RPS6KC1: variants seen among roughly 807,000 people sequenced by gnomAD.
RPS6KC1 encodes ribosomal protein S6 kinase C1.
RPS6KC1 carries 54 observed loss-of-function variants against 103.8 expected under a neutral mutation model. That is an observed-to-expected ratio of 0.52 (90% confidence interval 0.42 to 0.65). The LOEUF (loss-of-function observed/expected upper bound fraction) is 0.65, where lower values mean the gene tolerates loss of function less well. Among genes scored for constraint, RPS6KC1 ranks in the 30% least tolerant of loss-of-function variants. The pLI is 0.00. For synonymous variants in RPS6KC1, 439 were observed against 438.7 expected, an observed-to-expected ratio of 1.00 and a Z score of -0.01; for missense variants, 1,151 against 1,253.8, an observed-to-expected ratio of 0.92 and a Z score of 1.24.
chr1:213,353,749 T>G, the RPS6KC1 span, among the ~76,000 whole-genome samples: 1 of 152,204 alleles, frequency 6.6e-6, no homozygotes, highest in Non-Finnish European at 1.5e-5. Flanking sequence ...TCCATCTTGT[T>G]GGGAAGATAA....
Position 213,113,520 on chromosome 1 carries a change from T to G in RPS6KC1, c.379-3797T>G, listed in dbSNP as rs930237589. 1.2e-4 allele frequency among the ~76,000 whole-genome samples: 18 copies of G among 150,690 alleles called. 1 individual carries two copies. The highest frequency in any genetic ancestry group is 7.2e-4 in the Admixed American group (11 of 15,214). On this transcript the variant is annotated intron_variant, in intron 4 of 14. Transcript: ENST00000366960. ...CCCATGTTGTAGGTTGCCTGTTCAC[T>G]CTGATGGTAGTTTCTTTTGCTGTGC...
chr1:213,627,760 C>T, the RPS6KC1 span, among the ~76,000 whole-genome samples: 1 of 152,156 alleles, frequency 6.6e-6, no homozygotes, highest in African/African-American at 2.4e-5. Context: ...ACCTTGCATC[C>T]CAGGCATGAA....
At chr1:213,106,526 G>A (rs961331582) in intron 4 of RPS6KC1, among the ~76,000 whole-genome samples, 2 of 152,148 alleles carry the variant, frequency 1.3e-5, no homozygotes, top group Non-Finnish European at 1.5e-5. Context: ...AAGGAGTCTC[G>A]GAAGGTGACT....
chr1:213,252,522 A>G (rs1294000411), intron 12 of RPS6KC1, among the ~76,000 whole-genome samples: 2 of 152,176 alleles, frequency 1.3e-5, no homozygotes, highest in Non-Finnish European at 2.9e-5. Flanking sequence ...CTGATAGTAT[A>G]AAGGTATACA....
chr1:213,343,440 T>TATATATATATATATACAC, the RPS6KC1 span, among the ~76,000 whole-genome samples: 38 of 80,402 alleles, frequency 4.7e-4, 9 homozygotes, highest in Non-Finnish European at 7.1e-4. Flanking sequence ...TATATATATA[T>TATATATATATATATACAC]ACATACCATG....
chr1:213,703,323 TGTA>T, the RPS6KC1 span, among the ~76,000 whole-genome samples: 1 of 152,208 alleles, frequency 6.6e-6, no homozygotes, highest in African/African-American at 2.4e-5. Context: ...AAAAAGCTGT[TGTA>T]GTTACTATCT....
Position 213,240,809 on chromosome 1 carries a change from C to T in RPS6KC1, c.1333C>T (p.Gln445Ter). 1 of 1,613,954 alleles carries T rather than the reference C, an allele frequency of 6.2e-7. No homozygotes were observed. Among genetic ancestry groups the T allele is most frequent in the Non-Finnish European group, 8.5e-7 (1 of 1,179,884 alleles). ...KPTLAKVHLQ[Q>*]PTSSPQDSSS... ...TACACTTGCAAAAGTTCACCTGCAG[C>T]AGCCAACTTCTAGTCCTCAGGACAG... is the stretch of plus-strand genomic sequence containing the variant. Residue 445 changes from glutamine to a stop codon, truncating the protein, a stop_gained, in exon 11 of 15, where the codon CAG becomes TAG. Transcript: ENST00000366960. LOFTEE classifies it high-confidence loss of function.
chr1:213,137,673 G>A (rs539022644), intron 6 of RPS6KC1, among the ~76,000 whole-genome samples: 180 of 148,124 alleles, frequency 1.2e-3, no homozygotes, highest in African/African-American at 4.4e-3. Context: ...CCTGTGTTTG[G>A]CATTTAGTTG....
At chr1:213,112,388 A>C (rs1000010306) in intron 4 of RPS6KC1, among the ~76,000 whole-genome samples, 5 of 152,214 alleles carry the variant, frequency 3.3e-5, no homozygotes, top group African/African-American at 1.2e-4. Context: ...TAACTTTCTG[A>C]GGCGTGAATT....
the RPS6KC1 span, among the ~76,000 whole-genome samples, chr1:213,388,282 G>T: frequency 6.6e-6 from 1 of 152,230 alleles, no homozygotes; most frequent in Non-Finnish European, 1.5e-5. Flanking sequence ...GAACAGAAGG[G>T]CACGAAGACG....
chr1:213,218,660 T>C (rs1447964740), intron 8 of RPS6KC1, among the ~76,000 whole-genome samples: 1 of 152,160 alleles, frequency 6.6e-6, no homozygotes, highest in Non-Finnish European at 1.5e-5. Flanking sequence ...ATGGTACTGG[T>C]ACCAAAACAG....
chr1:213,735,429 C>T, the RPS6KC1 span, among the ~76,000 whole-genome samples: 2 of 152,214 alleles, frequency 1.3e-5, no homozygotes, highest in African/African-American at 4.8e-5. Context: ...TAGACTTCTG[C>T]ACCACCCTTG....
At chr1:213,266,453 ATTC>A (rs751008640) in intron 14 of RPS6KC1, among the ~76,000 whole-genome samples, 1 of 152,190 alleles carries the variant, frequency 6.6e-6, no homozygotes, top group Non-Finnish European at 1.5e-5. Context: ...TACTGTGAGT[ATTC>A]TTAAATTTGA....
chr1:213,591,216 ATTC>A, the RPS6KC1 span, among the ~76,000 whole-genome samples: 300 of 152,254 alleles, frequency 2.0e-3, 1 homozygote, highest in Middle Eastern at 6.8e-3. Context: ...TGCTGAGCAT[ATTC>A]TTCTCTGCCC....
At chr1:213,410,873 T>G in the RPS6KC1 span, among the ~76,000 whole-genome samples, 3 of 151,638 alleles carry the variant, frequency 2.0e-5, no homozygotes, top group Non-Finnish European at 2.9e-5. Flanking sequence ...GAGACTGTGA[T>G]CAGAGCAGGG....
At chr1:213,450,706 G>T in the RPS6KC1 span, among the ~76,000 whole-genome samples, 1 of 152,162 alleles carries the variant, frequency 6.6e-6, no homozygotes, top group Non-Finnish European at 1.5e-5. Context: ...AGAAATATTT[G>T]TTGTCATGAC....
chr1:213,126,825 T>C (rs6540780), intron 5 of RPS6KC1, among the ~76,000 whole-genome samples: 110,938 of 152,074 alleles, frequency 0.73, 41,303 homozygotes, highest in African/African-American at 0.87. Flanking sequence ...TGCACTACAA[T>C]GGCAGTGTTG....
chr1:213,277,264 C>G (rs2095114154), downstream of RPS6KC1, among the ~76,000 whole-genome samples: 1 of 152,206 alleles, frequency 6.6e-6, no homozygotes, highest in Non-Finnish European at 1.5e-5. Flanking sequence ...AAATAGGAAA[C>G]CGGAGAGCAA....
the RPS6KC1 span, among the ~76,000 whole-genome samples, chr1:213,695,663 G>A: frequency 6.6e-6 from 1 of 152,258 alleles, no homozygotes; most frequent in Non-Finnish European, 1.5e-5. Flanking sequence ...CACAGGTCCA[G>A]CTTTCAATAG....
Sources: allele counts gnomAD v4.1 joint callset (sites outside exome capture counted in the v4.1 genomes callset), GRCh38; gene constraint gnomAD v4.1.1; transcripts MANE v1.5; gene names NCBI Gene and HGNC (gene_info 2026-07-23, HGNC 2026-07-21).